Variants in BTAF1 observed in about 807,000 individuals in gnomAD.
BTAF1 encodes TATA-binding protein-associated factor 172.
A neutral mutation model predicts 227.1 loss-of-function variants in BTAF1; 38 were observed. The ratio of observed to expected loss-of-function variants is 0.17; its 90% CI spans 0.13 to 0.22. BTAF1 has a LOEUF of 0.22. BTAF1 is among the 10% of genes least tolerant of loss of function. BTAF1 has a pLI of 1.00. For missense variants in BTAF1, 1,598 were observed against 2,204.0 expected (o/e 0.73, Z 5.51); for synonymous variants, 742 against 751.9 (o/e 0.99, Z 0.21).
In BTAF1 at chr10:91,982,041, A is replaced by G. The variant is rs45499893; in HGVS notation, c.1906-42A>G. 2,805 of 1,581,674 alleles carry G rather than the reference A, an allele frequency of 1.8e-3. 16 individuals are homozygous for G. The highest frequency in any genetic ancestry group is 8.3e-3 in the Middle Eastern group (49 of 5,892). ...TTTTTGTTGTTGCCTATTCAGTTTT[A>G]ATGGTTAATCTTTATTGTTTTTTTT... On this transcript the variant is annotated intron_variant, in intron 16 of 37. Coordinates refer to ENST00000265990, the MANE Select transcript of BTAF1 (RefSeq NM_003972.3).
At chr10:91,952,830 A>G (rs1845858334) in intron 5 of BTAF1, among the ~76,000 whole-genome samples, 1 of 152,202 alleles carries the variant, frequency 6.6e-6, no homozygotes, top group Admixed American at 6.5e-5. Flanking sequence ...ACTAGAAGAT[A>G]AAGAGGATAA....
At position 92,028,816 on chromosome 10, in the gene BTAF1, C is replaced by G; in HGVS notation, c.5433C>G (p.Thr1811=). ...ATGGCAAAGCAGAAAAAGCTGACAC[C>G]TCTACTTCTGGGAAAGCAAGTATGA... The part of the protein sequence containing the change: ...DKDGKAEKAD[T]STSGKASMKS... Residue 1811 remains threonine, a synonymous_variant, in exon 38 of 38, where the codon ACC becomes ACG. Transcript: ENST00000265990. 1 of 1,605,054 alleles carries G rather than the reference C, an allele frequency of 6.2e-7. No homozygotes were observed. The highest frequency in any genetic ancestry group is 8.5e-7 in the Non-Finnish European group (1 of 1,177,056).
Position 91,924,229 on chromosome 10 carries a change from G to T in BTAF1, c.14+139G>T, listed in dbSNP as rs74149319. On this transcript the variant is annotated intron_variant, in intron 1 of 37. Coordinates refer to ENST00000265990, the MANE Select transcript of BTAF1 (RefSeq NM_003972.3). Reference sequence around the variant, plus strand: ...CTTTCTTCAGTAGACTTCGGAGTTCGCCCCGTGGTCGGCGGGGGTTTGGGC... The same window carrying T: ...CTTTCTTCAGTAGACTTCGGAGTTCTCCCCGTGGTCGGCGGGGGTTTGGGC... The T allele has an allele frequency of 3.9e-3, 4,722 of 1,215,568 alleles. 113 individuals are homozygous for T. The African/African-American group carries it at 0.057, about 15-fold the overall frequency. The allele number at this position is 1,215,568 out of a possible 1,614,324, so 75.3% of individuals were successfully genotyped here. A position where few individuals can be genotyped will look rare whatever the true frequency, so the allele number is the denominator to read the frequency against.
chr10:91,945,601 T>G (rs1564662481), intron 4 of BTAF1, among the ~76,000 whole-genome samples: 1 of 152,228 alleles, frequency 6.6e-6, no homozygotes, highest in Non-Finnish European at 1.5e-5. Context: ...TCATCTGTGT[T>G]GTAGTATGGG....
intron 14 of BTAF1, among the ~76,000 whole-genome samples, chr10:91,979,635 A>C (rs1248950442): frequency 6.6e-6 from 1 of 152,172 alleles, no homozygotes; most frequent in African/African-American, 2.4e-5. Flanking sequence ...ACTTTGAGCT[A>C]GTTAGTAGAA....
chr10:91,952,780 A>T (rs1845856224), intron 5 of BTAF1, among the ~76,000 whole-genome samples: 1 of 152,116 alleles, frequency 6.6e-6, no homozygotes, highest in Non-Finnish European at 1.5e-5. Flanking sequence ...CCCTGAAAGG[A>T]ACAGAAGGAA....
At chr10:91,986,915 C>T (rs1273678506) in intron 19 of BTAF1, among the ~76,000 whole-genome samples, 1 of 151,820 alleles carries the variant, frequency 6.6e-6, no homozygotes, top group South Asian at 2.1e-4. Context: ...TTTGTATCTT[C>T]ATTGAATCCC....
At chr10:92,021,536 GT>G (rs796525935) in intron 34 of BTAF1, among the ~76,000 whole-genome samples, 88 of 146,088 alleles carry the variant, frequency 6.0e-4, no homozygotes, top group African/African-American at 1.8e-3. Context: ...ATATTGAGTT[GT>G]TTTTTTTTTT....
At chr10:91,974,122 A>G (rs982641911) in intron 14 of BTAF1, among the ~76,000 whole-genome samples, 1 of 152,212 alleles carries the variant, frequency 6.6e-6, no homozygotes, top group African/African-American at 2.4e-5. Context: ...TCCTGGTTTC[A>G]GTTTCTAACT....
At chr10:92,013,586 A>T (rs1850513376) in intron 30 of BTAF1, 81 bp from the exon 31 acceptor site, 1 of 1,529,552 alleles carries the variant, frequency 6.5e-7, no homozygotes, top group Admixed American at 1.7e-5. Flanking sequence ...TGATTATAAT[A>T]ATGGGCTTTC....
At position 91,923,976 on chromosome 10, in the gene BTAF1, G is replaced by T; in HGVS notation, c.-101G>T. 1 of 1,442,162 alleles carries T rather than the reference G, an allele frequency of 6.9e-7. No individual in the cohort carries two copies. The highest frequency in any genetic ancestry group is 9.2e-7 in the Non-Finnish European group (1 of 1,090,134). The allele number at this position is 1,442,162 out of a possible 1,614,324, so 89.3% of individuals were successfully genotyped here. A position where few individuals can be genotyped will look rare whatever the true frequency, so the allele number is the denominator to read the frequency against. On this transcript the variant is annotated 5_prime_UTR_variant, in exon 1 of 38. Coordinates refer to ENST00000265990, the MANE Select transcript of BTAF1 (RefSeq NM_003972.3). ...CACGCCGCACCGGCCGCTCCCCTGT[G>T]CTCCGCGGCCTGGGCCTGCGCCGCT...
At chr10:91,964,250 T>TACATACA in intron 13 of BTAF1, 49 bp downstream of exon 13, 3 of 1,557,738 alleles carry the variant, frequency 1.9e-6, no homozygotes, top group Non-Finnish European at 2.6e-6. Context: ...TTACATACCT[T>TACATACA]TCGAGATAAT....
At chr10:91,989,606 G>A (rs1210891480) in intron 20 of BTAF1, 26 bp downstream of exon 20, 2 of 1,538,478 alleles carry the variant, frequency 1.3e-6, no homozygotes, top group Admixed American at 2.2e-5. Context: ...TTTATTTGGG[G>A]TAGAGAAATA....
At chr10:92,017,353 C>T (rs1850809032) in intron 33 of BTAF1, among the ~76,000 whole-genome samples, 1 of 152,160 alleles carries the variant, frequency 6.6e-6, no homozygotes, top group Admixed American at 6.5e-5. Flanking sequence ...GATCATGCCT[C>T]ATATGCTTGA....
Position 91,948,582 on chromosome 10 carries a change from A to G in BTAF1, c.401-2821A>G, listed in dbSNP as rs116544981. On this transcript the variant is annotated intron_variant, in intron 4 of 37. Transcript: ENST00000265990. ...TTTCTGTAGAGATGGGGGTCTTGCT[A>G]TGTTACCCAGGCTGGTCCCAAATTC... Among the ~76,000 whole-genome samples, 522 of 150,464 alleles carry G rather than the reference A, an allele frequency of 3.5e-3. 3 individuals carry two copies. Among genetic ancestry groups the G allele is most frequent in the African/African-American group, 0.012 (480 of 40,932 alleles).
At chr10:92,015,791 C>G (rs568570163) in intron 32 of BTAF1, among the ~76,000 whole-genome samples, 3 of 152,164 alleles carry the variant, frequency 2.0e-5, no homozygotes, top group African/African-American at 7.2e-5. Context: ...TCTAGATTTT[C>G]TTTTCTTTCA....
At chr10:91,985,610 G>A (rs1848349104) in intron 19 of BTAF1, among the ~76,000 whole-genome samples, 1 of 152,090 alleles carries the variant, frequency 6.6e-6, no homozygotes, top group East Asian at 1.9e-4. Flanking sequence ...CCATCAGTAT[G>A]TGAGAGTTCT....
chr10:91,982,452 T>C, intron 17 of BTAF1, 135 bp from the exon 18 acceptor site: 3 of 1,135,158 alleles, frequency 2.6e-6, no homozygotes, highest in Non-Finnish European at 3.7e-6. Flanking sequence ...TTATACCTTC[T>C]GTGGGAAAAG....
intron 18 of BTAF1, 28 bp from the exon 19 acceptor site, chr10:91,984,173 A>T (rs781151380): frequency 1.3e-6 from 2 of 1,594,180 alleles, no homozygotes; most frequent in South Asian, 2.2e-5. Flanking sequence ...TCATACAGTT[A>T]CCCTATTTGT....
Sources: gnomAD v4.1 joint callset for allele counts (sites outside exome capture counted in the v4.1 genomes callset) on GRCh38, gnomAD v4.1.1 for gene constraint, MANE v1.5 for transcripts, NCBI Gene and HGNC (gene_info 2026-07-23, HGNC 2026-07-21) for gene names.